The following MEIS1 variants were observed in gnomAD, a reference collection of about 807,000 sequenced individuals.
MEIS1 encodes Meis homeobox 1.
In MEIS1, 5 loss-of-function variants were observed where a neutral mutation model predicts 50.8. The observed-to-expected ratio is 0.10, with a 90% CI of 0.05 to 0.21. The LOEUF (loss-of-function observed/expected upper bound fraction) is 0.21, where lower values mean the gene tolerates loss of function less well. MEIS1 is among the 10% of genes least tolerant of loss of function. The pLI, the probability that MEIS1 is intolerant of heterozygous loss-of-function variation, is 1.00. For missense variants in MEIS1, 318 were observed against 517.3 expected (o/e 0.61, Z 3.74); for synonymous variants, 176 against 179.3 (o/e 0.98, Z 0.15).
intron 8 of MEIS1, among the ~76,000 whole-genome samples, chr2:66,541,564 AAT>A (rs1437544677): frequency 6.6e-6 from 1 of 152,186 alleles, no homozygotes; most frequent in Non-Finnish European, 1.5e-5. Flanking sequence ...GATATACAGA[AAT>A]CAGAGAGATT....
intron 12 of MEIS1, chr2:66,570,085 TTG>T (rs1675446752): frequency 6.6e-6 from 1 of 152,248 alleles, no homozygotes; most frequent in African/African-American, 2.4e-5. Context: ...AGAGTCTTGC[TTG>T]TGTCTCTGAT....
At chr2:66,528,398 G>A (rs1217876310) in intron 8 of MEIS1, among the ~76,000 whole-genome samples, 2 of 151,996 alleles carry the variant, frequency 1.3e-5, no homozygotes, top group Non-Finnish European at 2.9e-5. Context: ...ACAGTGGTAA[G>A]AAAGTCGAAG....
intron 5 of MEIS1, 37 bp from the exon 6 acceptor site, chr2:66,442,865 A>C (rs747245104): frequency 1.3e-6 from 2 of 1,558,564 alleles, no homozygotes; most frequent in Non-Finnish European, 1.7e-6. Flanking sequence ...TGCACTCCTG[A>C]TTATATTCCC....
intron 9 of MEIS1, among the ~76,000 whole-genome samples, chr2:66,558,099 GA>G (rs1398259515): frequency 6.6e-6 from 1 of 151,928 alleles, no homozygotes; most frequent in Non-Finnish European, 1.5e-5. Context: ...GATGAACATA[GA>G]AAAACCCCGT....
rs963664577 is a variant in MEIS1 at position 66,573,106 on chromosome 2, T to A, written c.*1898T>A. On this transcript the variant is annotated 3_prime_UTR_variant, in exon 13 of 13. Coordinates refer to ENST00000272369, the MANE Select transcript of MEIS1 (RefSeq NM_002398.3). ...AGGATGTTACCTAGGATGAGCAGTATATGTTTATTAGGAAATTAACTACAT... is the reference window on the plus strand; with the variant it reads ...AGGATGTTACCTAGGATGAGCAGTAAATGTTTATTAGGAAATTAACTACAT... The A allele has an allele frequency of 6.6e-6, 1 of 152,218 alleles. No individual in the cohort carries two copies. The highest frequency in any genetic ancestry group is 3.2e-3 in the Middle Eastern group (1 of 316). The allele number at this position is 152,218 out of a possible 1,614,324, so 9.4% of individuals were successfully genotyped here. A position where few individuals can be genotyped will look rare whatever the true frequency, so the allele number is the denominator to read the frequency against.
At chr2:66,561,751 G>A (rs1319693599) in intron 9 of MEIS1, among the ~76,000 whole-genome samples, 3 of 152,116 alleles carry the variant, frequency 2.0e-5, no homozygotes, top group African/African-American at 7.2e-5. Flanking sequence ...ATATTTCTCT[G>A]TCTAGTTAGG....
intron 8 of MEIS1, among the ~76,000 whole-genome samples, chr2:66,532,012 G>C (rs1389480077): frequency 6.6e-6 from 1 of 152,030 alleles, no homozygotes. Flanking sequence ...TCCTTTGCAT[G>C]TATTTCTTTC....
intron 7 of MEIS1, among the ~76,000 whole-genome samples, chr2:66,467,322 A>G (rs1180209599): frequency 6.6e-6 from 1 of 151,980 alleles, no homozygotes; most frequent in East Asian, 1.9e-4. Context: ...CATGGCTGGG[A>G]GCAGTGGCTC....
At position 66,491,042 on chromosome 2, in the gene MEIS1, GA is replaced by G. The variant is rs147442743; in HGVS notation, c.743-21097del. On this transcript the variant is annotated intron_variant, in intron 7 of 12. Transcript: ENST00000272369. Reference sequence around the variant, plus strand: ...AAATATAGTTTTGTTACAACAACAAGAAAAAAAAAATGGAGAAATGTATTAA... The same window carrying G: ...AAATATAGTTTTGTTACAACAACAAGAAAAAAAAATGGAGAAATGTATTAA... 9.1e-3 allele frequency among the ~76,000 whole-genome samples: 1,214 copies of G among 133,534 alleles called. 17 individuals carry two copies. Among genetic ancestry groups the G allele is most frequent in the African/African-American group, 0.029 (1,070 of 36,662 alleles). The allele number at this position is 133,534 out of a possible 152,430, so 87.6% of individuals were successfully genotyped here. A position where few individuals can be genotyped will look rare whatever the true frequency, so the allele number is the denominator to read the frequency against.
At chr2:66,469,748 G>A (rs1421765611) in intron 7 of MEIS1, among the ~76,000 whole-genome samples, 1 of 152,082 alleles carries the variant, frequency 6.6e-6, no homozygotes, top group East Asian at 1.9e-4. Context: ...CGGCTTAAGT[G>A]TTGCCCTCCC....
At chr2:66,445,635 C>G (rs1247457918) in intron 6 of MEIS1, among the ~76,000 whole-genome samples, 4 of 152,138 alleles carry the variant, frequency 2.6e-5, no homozygotes, top group African/African-American at 4.8e-5. Flanking sequence ...ACCCCTCTGT[C>G]TCTAGGGCCC....
At chr2:66,560,084 C>T (rs1476093048) in intron 9 of MEIS1, among the ~76,000 whole-genome samples, 1 of 145,576 alleles carries the variant, frequency 6.9e-6, no homozygotes, top group Non-Finnish European at 1.5e-5. Flanking sequence ...GCATAAGCCA[C>T]AACTCCCTGC....
chr2:66,551,592 G>A (rs1006194734), intron 9 of MEIS1, among the ~76,000 whole-genome samples: 2 of 151,798 alleles, frequency 1.3e-5, no homozygotes, highest in African/African-American at 4.8e-5. Flanking sequence ...TGAGAATTGA[G>A]GCAATTATGT....
chr2:66,473,397 A>AAAAAAAAAAATATATATATATATATATAT, intron 7 of MEIS1, among the ~76,000 whole-genome samples: 4 of 107,580 alleles, frequency 3.7e-5, no homozygotes, highest in African/African-American at 1.7e-4. Context: ...AAAAAAAAAA[A>AAAAAAAAAAATATATATATATATATATAT]ATATATATAT....
chr2:66,500,767 TTTAA>T (rs1461426834), intron 7 of MEIS1, among the ~76,000 whole-genome samples: 24 of 152,342 alleles, frequency 1.6e-4, no homozygotes, highest in Admixed American at 1.3e-3. Context: ...GTGTATTTTA[TTTAA>T]TTGAGTTTGT....
chr2:66,449,397 T>G (rs561004089), intron 6 of MEIS1, among the ~76,000 whole-genome samples: 1 of 152,206 alleles, frequency 6.6e-6, no homozygotes, highest in Non-Finnish European at 1.5e-5. Context: ...GAATAAACCA[T>G]GGGTGTCTAA....
chr2:66,547,835 C>A, intron 8 of MEIS1, 108 bp from the exon 9 acceptor site: 1 of 984,770 alleles, frequency 1.0e-6, no homozygotes, highest in Non-Finnish European at 1.6e-6. Context: ...AAGAGTGACA[C>A]ACCTCAGCAT....
chr2:66,561,177 G>A (rs1675204213), intron 9 of MEIS1, among the ~76,000 whole-genome samples: 1 of 151,992 alleles, frequency 6.6e-6, no homozygotes, highest in Non-Finnish European at 1.5e-5. Context: ...TTACATGGGA[G>A]ATAACTAGAC....
Position 66,512,220 on chromosome 2 carries a change from C to T in MEIS1, c.814C>T (p.Arg272Cys), listed in dbSNP as rs751312385. 5 of 1,612,312 alleles carry T rather than the reference C, an allele frequency of 3.1e-6. No individual in the cohort carries two copies. Among genetic ancestry groups the T allele is most frequent in the East Asian group, 2.2e-5 (1 of 44,854 alleles). Residue 272 changes from arginine (R) to cysteine (C), a missense_variant, in exon 8 of 13, where the codon CGT becomes TGT. This residue lies in a region of MEIS1 where 40 missense variants were observed against 102.8 expected (regional missense o/e 0.39). Transcript: ENST00000272369. ...TGATGACCCTGATAAGGACAAAAAG[C>T]GTCACAAAAAGCGTGGCATCTTTCC... Reference protein sequence around the residue: ...DDDDPDKDKKRHKKRGIFPKV... With the variant: ...DDDDPDKDKKCHKKRGIFPKV...
Sources: gnomAD v4.1 joint callset for allele counts (sites outside exome capture counted in the v4.1 genomes callset) on GRCh38, gnomAD v4.1.1 for gene constraint, gnomAD v4.1.1 regional missense constraint, MANE v1.5 for transcripts, NCBI Gene and HGNC (gene_info 2026-07-23, HGNC 2026-07-21) for gene names.